The following TMEM132D variants were observed in gnomAD, a reference collection of about 807,000 sequenced individuals.
TMEM132D encodes the protein mature OL transmembrane protein.
In TMEM132D, 21 loss-of-function variants were observed where a neutral mutation model predicts 62.3. The ratio of observed to expected loss-of-function variants is 0.34; its 90% CI spans 0.24 to 0.49. The LOEUF is 0.49. Ranked by LOEUF, TMEM132D falls within the 20% of genes least tolerant of loss-of-function variation. The probability of loss-of-function intolerance (pLI) is 0.99; values close to 1 mark genes in which losing one functional copy is unlikely to be tolerated. For missense variants in TMEM132D, 1,346 were observed against 1,402.8 expected (o/e 0.96, Z 0.65); for synonymous variants, 621 against 575.6 (o/e 1.08, Z -1.13).
At chr12:129,230,312 G>C (rs548272594) in intron 4 of TMEM132D, among the ~76,000 whole-genome samples, 1 of 151,936 alleles carries the variant, frequency 6.6e-6, no homozygotes, top group Non-Finnish European at 1.5e-5. Flanking sequence ...GTTGGAGGGG[G>C]GGGGCTCCCC....
At chr12:129,692,287 C>G (rs1429581524) in intron 2 of TMEM132D, among the ~76,000 whole-genome samples, 2 of 152,182 alleles carry the variant, frequency 1.3e-5, no homozygotes, top group Non-Finnish European at 2.9e-5. Context: ...TGTTCAAAAA[C>G]TAATCAGGAT....
At chr12:129,894,448 G>A (rs1177434856) in intron 1 of TMEM132D, among the ~76,000 whole-genome samples, 1 of 152,206 alleles carries the variant, frequency 6.6e-6, no homozygotes, top group Non-Finnish European at 1.5e-5. Flanking sequence ...AAGAGGGTCT[G>A]AAAGGTAGAG....
At position 129,890,937 on chromosome 12, in the gene TMEM132D, G is replaced by A. The variant is rs558057327; in HGVS notation, c.79+12324C>T. Among the ~76,000 whole-genome samples, 7 of 152,240 alleles carry A rather than the reference G, an allele frequency of 4.6e-5. No homozygotes were observed. The South Asian group carries it at 1.2e-3, about 27-fold the overall frequency. On this transcript the variant is annotated intron_variant, in intron 1 of 8. Coordinates refer to ENST00000422113, the MANE Select transcript of TMEM132D (RefSeq NM_133448.3). ...GACGGAACGTGAAAGTTTCATGCAGGCATTAAGGCAGCAGGGGCCTCCCGA... is the reference window on the plus strand; with the variant it reads ...GACGGAACGTGAAAGTTTCATGCAGACATTAAGGCAGCAGGGGCCTCCCGA...
chr12:129,673,537 G>A (rs183518620), intron 2 of TMEM132D, among the ~76,000 whole-genome samples: 59 of 152,120 alleles, frequency 3.9e-4, no homozygotes, highest in African/African-American at 1.0e-3. Flanking sequence ...TCAAACATCC[G>A]GGACTGAGAA....
intron 4 of TMEM132D, among the ~76,000 whole-genome samples, chr12:129,252,036 T>C (rs1227792547): frequency 6.6e-6 from 1 of 152,190 alleles, no homozygotes; most frequent in African/African-American, 2.4e-5. Context: ...ATTTGGGGAC[T>C]TACTTGTTAG....
At chr12:129,157,825 C>T (rs1224680499) in intron 5 of TMEM132D, among the ~76,000 whole-genome samples, 1 of 152,036 alleles carries the variant, frequency 6.6e-6, no homozygotes. Context: ...AATTTCATTG[C>T]TTTTTCCTCT....
Position 129,176,514 on chromosome 12 carries a change from G to A in TMEM132D, c.1443+33006C>T, listed in dbSNP as rs567467914. Among the ~76,000 whole-genome samples, 26 of 152,348 alleles carry A rather than the reference G, an allele frequency of 1.7e-4. No individual in the cohort carries two copies. In the East Asian group the frequency reaches 3.7e-3, roughly 21 times the overall value. On this transcript the variant is annotated intron_variant, in intron 5 of 8. Coordinates refer to ENST00000422113, the MANE Select transcript of TMEM132D (RefSeq NM_133448.3). ...CTTGGCCAAGGCCACAGAGGAAGGC[G>A]AATAGCAAGAAGATGGTCTTTCCTT...
intron 4 of TMEM132D, among the ~76,000 whole-genome samples, chr12:129,225,814 A>C (rs1879466725): frequency 6.6e-6 from 1 of 152,192 alleles, no homozygotes; most frequent in African/African-American, 2.4e-5. Context: ...AATGCACTCA[A>C]GTTTGTCCTG....
At chr12:129,693,890 C>T (rs552245512) in intron 2 of TMEM132D, among the ~76,000 whole-genome samples, 1 of 152,268 alleles carries the variant, frequency 6.6e-6, no homozygotes, top group East Asian at 1.9e-4. Flanking sequence ...ACCCAGAGGA[C>T]CTCCCCCAGA....
chr12:129,706,462 C>T (rs755540813), intron 1 of TMEM132D, among the ~76,000 whole-genome samples: 1 of 151,872 alleles, frequency 6.6e-6, no homozygotes, highest in Non-Finnish European at 1.5e-5. Context: ...ATATTTTATG[C>T]AAGTATATAC....
At chr12:129,828,207 A>C (rs990546988) in intron 1 of TMEM132D, among the ~76,000 whole-genome samples, 9 of 152,174 alleles carry the variant, frequency 5.9e-5, no homozygotes, top group African/African-American at 2.2e-4. Flanking sequence ...CCTCTTTGCA[A>C]TGGCTCAGGA....
At chr12:129,342,520 G>T (rs1869529544) in intron 3 of TMEM132D, among the ~76,000 whole-genome samples, 1 of 152,080 alleles carries the variant, frequency 6.6e-6, no homozygotes. Context: ...CATGGGCAAG[G>T]ACTTCATGTC....
At chr12:129,469,432 G>A (rs892712069) in intron 3 of TMEM132D, among the ~76,000 whole-genome samples, 1 of 152,118 alleles carries the variant, frequency 6.6e-6, no homozygotes, top group Admixed American at 6.5e-5. Flanking sequence ...TCTGGAGGGG[G>A]GGCCAGCCAT....
At chr12:129,450,880 C>T (rs942697553) in intron 3 of TMEM132D, among the ~76,000 whole-genome samples, 8 of 142,800 alleles carry the variant, frequency 5.6e-5, no homozygotes, top group South Asian at 2.4e-4. Context: ...CTCAGCCTCC[C>T]GAGTAGCTGG....
At chr12:129,228,911 G>A (rs553773761) in intron 4 of TMEM132D, among the ~76,000 whole-genome samples, 7 of 152,284 alleles carry the variant, frequency 4.6e-5, no homozygotes, top group East Asian at 1.9e-4. Context: ...CATAAGATCC[G>A]GACTTCTGGT....
rs192483125 is a variant in TMEM132D at position 129,823,433 on chromosome 12, C to T, written c.79+79828G>A. 1.2e-3 allele frequency among the ~76,000 whole-genome samples: 188 copies of T among 152,352 alleles called. 1 individual carries two copies. Among genetic ancestry groups the T allele is most frequent in the Non-Finnish European group, 2.0e-3 (133 of 68,038 alleles). ...TTATACAAAGAGTTTAGGCGCAGTA[C>T]GCCCCTTTCATCAGTTAGGGAATGG... On this transcript the variant is annotated intron_variant, in intron 1 of 8. Coordinates refer to ENST00000422113, the MANE Select transcript of TMEM132D (RefSeq NM_133448.3).
At chr12:129,499,175 C>CA (rs1434756854) in intron 3 of TMEM132D, among the ~76,000 whole-genome samples, 4 of 151,994 alleles carry the variant, frequency 2.6e-5, no homozygotes, top group Non-Finnish European at 2.9e-5. Context: ...TACTGAAAAA[C>CA]AAAAAACATA....
At chr12:129,226,122 C>T (rs1879474716) in intron 4 of TMEM132D, among the ~76,000 whole-genome samples, 1 of 152,222 alleles carries the variant, frequency 6.6e-6, no homozygotes, top group Non-Finnish European at 1.5e-5. Context: ...CATGTGTTTG[C>T]TCTGGAAACT....
chr12:129,376,292 G>A (rs1279103394), intron 3 of TMEM132D, among the ~76,000 whole-genome samples: 1 of 152,102 alleles, frequency 6.6e-6, no homozygotes. Flanking sequence ...AGCATGGTTG[G>A]GGAGGCTGCA....
Sources: gnomAD v4.1 joint callset for allele counts (sites outside exome capture counted in the v4.1 genomes callset) on GRCh38, gnomAD v4.1.1 for gene constraint, MANE v1.5 for transcripts, NCBI Gene and HGNC (gene_info 2026-07-23, HGNC 2026-07-21) for gene names.